Variants in TTC39B observed in about 807,000 individuals in gnomAD.
TTC39B encodes tetratricopeptide repeat protein 39B.
A neutral mutation model predicts 96.6 loss-of-function variants in TTC39B; 92 were observed. That is an observed-to-expected ratio of 0.95 (90% CI 0.80 to 1.13). The LOEUF is 1.13. Among genes scored for constraint, TTC39B ranks in the 50% most tolerant of loss-of-function variants. TTC39B has a pLI of 0.00. For missense variants in TTC39B, 955 were observed against 809.3 expected, an observed-to-expected ratio of 1.18 and a Z score of -2.18; for synonymous variants, 367 against 299.4, an observed-to-expected ratio of 1.23 and a Z score of -2.33.
At chr9:15,188,495 C>T (rs1024755385) in intron 13 of TTC39B, among the ~76,000 whole-genome samples, 8 of 152,192 alleles carry the variant, frequency 5.3e-5, no homozygotes, top group Admixed American at 2.0e-4. Flanking sequence ...TCACTATCTA[C>T]GTAACTGGCA....
chr9:15,173,646 A>G (rs1488764648), intron 19 of TTC39B, among the ~76,000 whole-genome samples: 1 of 152,178 alleles, frequency 6.6e-6, no homozygotes, highest in African/African-American at 2.4e-5. Context: ...GGCATATCCC[A>G]GACATTGTGC....
At chr9:15,273,440 C>T (rs965061417) in intron 1 of TTC39B, among the ~76,000 whole-genome samples, 2 of 152,168 alleles carry the variant, frequency 1.3e-5, no homozygotes, top group Non-Finnish European at 2.9e-5. Flanking sequence ...TATCGCTTCT[C>T]TAGAACTCCG....
At chr9:15,227,388 T>G (rs1821183197) in intron 2 of TTC39B, among the ~76,000 whole-genome samples, 1 of 152,152 alleles carries the variant, frequency 6.6e-6, no homozygotes, top group Admixed American at 6.5e-5. Flanking sequence ...AAGTTCAGAC[T>G]TCCCAATGCA....
chr9:15,281,898 A>G (rs1388872238), intron 1 of TTC39B, among the ~76,000 whole-genome samples: 1 of 151,980 alleles, frequency 6.6e-6, no homozygotes, highest in Admixed American at 6.6e-5. Context: ...GGCTGGTCTC[A>G]AACTCCTGAC....
chr9:15,275,546 G>A (rs1420009852), intron 1 of TTC39B, among the ~76,000 whole-genome samples: 1 of 152,224 alleles, frequency 6.6e-6, no homozygotes, highest in Non-Finnish European at 1.5e-5. Flanking sequence ...AAGCGCTAGT[G>A]AAACTGCAGC....
At position 15,187,179 on chromosome 9, in the gene TTC39B, T is replaced by G. The variant is rs151052733; in HGVS notation, c.1396-144A>C. The G allele has an allele frequency of 9.1e-5, 52 of 568,402 alleles. No homozygotes were observed. The East Asian group carries it at 1.4e-3, about 15-fold the overall frequency. 35.2% of individuals were successfully genotyped at this position (568,402 alleles called of 1,614,324 possible). A position where few individuals can be genotyped will look rare whatever the true frequency, so the allele number is the denominator to read the frequency against. ...AGAGGAAATGAAATCTTATATTCCC[T>G]GTTCAAAATGACAACAACTCTTTTC... On this transcript the variant is annotated intron_variant, in intron 14 of 19. Transcript: ENST00000512701.
In TTC39B at chr9:15,171,861, A is replaced by T. The variant is rs141159605; in HGVS notation, c.*158T>A. The T allele has an allele frequency of 9.6e-4, 443 of 459,964 alleles. 1 individual carries two copies. The highest frequency in any genetic ancestry group is 7.7e-3 in the African/African-American group (385 of 49,970). 28.5% of individuals were successfully genotyped at this position (459,964 alleles called of 1,614,324 possible). A position where few individuals can be genotyped will look rare whatever the true frequency, so the allele number is the denominator to read the frequency against. ...CATTCCATAGGAAAAAAAATTATGT[A>T]GACCAACAGTAAATCTCTCAGATGA... On this transcript the variant is annotated 3_prime_UTR_variant, in exon 20 of 20. Transcript: ENST00000512701.
chr9:15,250,935 T>C lies in TTC39B; in HGVS notation c.275+16979A>G, dbSNP rs897140208. 3.9e-5 allele frequency among the ~76,000 whole-genome samples: 6 copies of C among 152,156 alleles called. No homozygotes were observed. The South Asian group carries it at 6.2e-4, about 16-fold the overall frequency. ...TACCAGGGCTAGGCGCAGTGGCTCATGCCTGTAATCCCAGCACTTAGGGAG... is the reference window on the plus strand; with the variant it reads ...TACCAGGGCTAGGCGCAGTGGCTCACGCCTGTAATCCCAGCACTTAGGGAG... On this transcript the variant is annotated intron_variant, in intron 2 of 19. Coordinates refer to ENST00000512701, the Ensembl canonical transcript of TTC39B.
chr9:15,239,444 T>C (rs558269301), intron 2 of TTC39B, among the ~76,000 whole-genome samples: 59 of 152,316 alleles, frequency 3.9e-4, no homozygotes, highest in South Asian at 1.5e-3. Flanking sequence ...GAAATCATTA[T>C]ATAAAAAAGA....
At chr9:15,284,102 T>C (rs641579) in intron 1 of TTC39B, among the ~76,000 whole-genome samples, 103,771 of 152,058 alleles carry the variant, frequency 0.68, 36,350 homozygotes, top group East Asian at 0.9. Context: ...TCATAAGGAA[T>C]AGACAACCAA....
Position 15,187,053 on chromosome 9 carries a change from G to C in TTC39B, c.1396-18C>G. 1.9e-6 allele frequency: 3 copies of C among 1,590,378 alleles called. No homozygotes were observed. The highest frequency in any genetic ancestry group is 2.6e-6 in the Non-Finnish European group (3 of 1,163,256). On this transcript the variant is annotated intron_variant, in intron 14 of 19. Coordinates refer to ENST00000512701, the Ensembl canonical transcript of TTC39B. ...TAAGTTGCCTTGAGAAAAAGAAGGA[G>C]CTTATTACAGAACATCCCTAGGTAA...
exon 20 of TTC39B, chr9:15,167,011 TATA>T (rs1817537409): frequency 2.2e-4 from 2 of 9,288 alleles, no homozygotes; most frequent in African/African-American, 4.9e-4. Flanking sequence ...TATATATATA[TATA>T]TATATATATA....
intron 1 of TTC39B, among the ~76,000 whole-genome samples, chr9:15,302,243 T>C (rs1824616092): frequency 1.3e-5 from 2 of 151,526 alleles, no homozygotes; most frequent in Admixed American, 1.3e-4. Context: ...GGAGAATCAC[T>C]TGAGCCCGGG....
chr9:15,186,443 G>C (rs1226942520), intron 15 of TTC39B: 1 of 152,744 alleles, frequency 6.5e-6, no homozygotes, highest in East Asian at 1.9e-4. Context: ...AGCTATGACA[G>C]AGCAAGACCT....
At chr9:15,172,499 C>T (rs1295250377) in intron 19 of TTC39B, among the ~76,000 whole-genome samples, 1 of 152,148 alleles carries the variant, frequency 6.6e-6, no homozygotes, top group African/African-American at 2.4e-5. Flanking sequence ...AGCATGATCA[C>T]ATGATCGATC....
intron 2 of TTC39B, among the ~76,000 whole-genome samples, chr9:15,246,234 C>T (rs1026539435): frequency 6.6e-6 from 1 of 152,086 alleles, no homozygotes; most frequent in Non-Finnish European, 1.5e-5. Flanking sequence ...GCCTGGGCAA[C>T]CAGAGTGACA....
intron 1 of TTC39B, among the ~76,000 whole-genome samples, chr9:15,280,555 C>T (rs1032099896): frequency 4.6e-5 from 7 of 152,212 alleles, no homozygotes; most frequent in Admixed American, 6.5e-5. Context: ...ACAAAGACTG[C>T]AGAGTCCCGC....
intron 1 of TTC39B, among the ~76,000 whole-genome samples, chr9:15,280,671 T>G (rs929362121): frequency 6.6e-6 from 1 of 152,180 alleles, no homozygotes; most frequent in Non-Finnish European, 1.5e-5. Context: ...CTTGGTATGG[T>G]TGCTGCAGCT....
chr9:15,277,880 A>C (rs1345622053), intron 1 of TTC39B, among the ~76,000 whole-genome samples: 1 of 152,226 alleles, frequency 6.6e-6, no homozygotes, highest in African/African-American at 2.4e-5. Flanking sequence ...TTGATTCTCA[A>C]TAGCTAGCTA....
Sources: gnomAD v4.1 joint callset for allele counts (sites outside exome capture counted in the v4.1 genomes callset) on GRCh38, gnomAD v4.1.1 for gene constraint, MANE v1.5 for transcripts, NCBI Gene and HGNC (gene_info 2026-07-23, HGNC 2026-07-21) for gene names.